The following FOXK1 variants were observed in gnomAD, a reference collection of about 807,000 sequenced individuals.
FOXK1 encodes forkhead box protein K1.
A neutral mutation model predicts 51.9 loss-of-function variants in FOXK1; 19 were observed. That is an observed-to-expected ratio of 0.37 (90% CI 0.26 to 0.54). The LOEUF is 0.54. Ranked by LOEUF, FOXK1 falls within the 20% of genes least tolerant of loss-of-function variation. FOXK1 has a pLI of 0.87. For synonymous variants in FOXK1, 537 were observed against 482.6 expected, an observed-to-expected ratio of 1.11 and a Z score of -1.48; for missense variants, 870 against 1,032.7, an observed-to-expected ratio of 0.84 and a Z score of 2.16.
At chr7:4,746,231 A>G (rs940009096) in intron 2 of FOXK1, among the ~76,000 whole-genome samples, 9 of 152,186 alleles carry the variant, frequency 5.9e-5, no homozygotes, top group African/African-American at 1.9e-4. Context: ...TTTAATCATG[A>G]TTTTTAAACA....
rs772430415 is a variant in FOXK1 at position 4,703,966 on chromosome 7, C to T, written c.560+21098C>T. On this transcript the variant is annotated intron_variant, in intron 1 of 8. Transcript: ENST00000328914. This position sits in a 1 kb window ranked among gnomAD's most constrained non-coding sequence, Gnocchi z 5.6. ...GTGGGAAAAAATGCGTGTATACGTA[C>T]CCCTACGTGTGGAAAACTGGCTACC... Among the ~76,000 whole-genome samples the T allele has an allele frequency of 2.6e-5, 4 of 152,100 alleles. No individual in the cohort carries two copies. The highest frequency in any genetic ancestry group is 9.7e-5 in the African/African-American group (4 of 41,418).
chr7:4,732,005 C>G (rs1190797879), intron 1 of FOXK1, among the ~76,000 whole-genome samples: 1 of 152,208 alleles, frequency 6.6e-6, no homozygotes, highest in Non-Finnish European at 1.5e-5. Flanking sequence ...CCAGGTGCCC[C>G]CAGGGCATCT....
At position 4,734,284 on chromosome 7, in the gene FOXK1, ATC is replaced by A. The variant is rs1007462519; in HGVS notation, c.561-6551_561-6550del. Among the ~76,000 whole-genome samples, 1 of 152,140 alleles carries A rather than the reference ATC, an allele frequency of 6.6e-6. No homozygotes were observed. The highest frequency in any genetic ancestry group is 2.4e-5 in the African/African-American group (1 of 41,438). On this transcript the variant is annotated intron_variant, in intron 1 of 8. Coordinates refer to ENST00000328914, the MANE Select transcript of FOXK1 (RefSeq NM_001037165.2). The surrounding 1 kb of genome is among the most constrained non-coding windows in gnomAD (Gnocchi z 5.2). Reference sequence around the variant, plus strand: ...GTTTTCTTTGTCCTTCCTGAGACAGATCTCATCCAGCCTCTTCCTTTTGATGT... The same window carrying A: ...GTTTTCTTTGTCCTTCCTGAGACAGATCATCCAGCCTCTTCCTTTTGATGT...
In FOXK1 at chr7:4,699,712, G is replaced by A. The variant is rs754209022; in HGVS notation, c.560+16844G>A. ...CACTTGGTTTAGGTGTTGTCTGGCC[G>A]GCTTTTCCACCAAAGAGTTGCTGTG... On this transcript the variant is annotated intron_variant, in intron 1 of 8. Coordinates refer to ENST00000328914, the MANE Select transcript of FOXK1 (RefSeq NM_001037165.2). Among the ~76,000 whole-genome samples the A allele has an allele frequency of 3.8e-4, 58 of 152,132 alleles. 1 individual carries two copies. Among genetic ancestry groups the A allele is most frequent in the African/African-American group, 1.3e-3 (54 of 41,492 alleles).
Position 4,758,829 on chromosome 7 carries a change from C to T in FOXK1, c.1245-222C>T. 1 of 578,284 alleles carries T rather than the reference C, an allele frequency of 1.7e-6. No individual in the cohort carries two copies. Among genetic ancestry groups the T allele is most frequent in the Non-Finnish European group, 3.0e-6 (1 of 329,136 alleles). 35.8% of individuals were successfully genotyped at this position (578,284 alleles called of 1,614,324 possible). On this transcript the variant is annotated intron_variant, in intron 5 of 8. Transcript: ENST00000328914. The surrounding 1 kb of genome is among the most constrained non-coding windows in gnomAD (Gnocchi z 4.4). ...GCAGCACCTCACATGATACCGTCCC[C>T]TCTCATGGAACGGAGCCTCCCCCAT...
In FOXK1 at chr7:4,682,915, C is replaced by T. The variant is rs1779770652; in HGVS notation, c.560+47C>T. 2.1e-6 allele frequency: 3 copies of T among 1,407,034 alleles called. No individual in the cohort carries two copies. The highest frequency in any genetic ancestry group is 1.5e-5 in the South Asian group (1 of 68,316). 87.2% of individuals were successfully genotyped at this position (1,407,034 alleles called of 1,614,324 possible). On this transcript the variant is annotated intron_variant, in intron 1 of 8. Coordinates refer to ENST00000328914, the MANE Select transcript of FOXK1 (RefSeq NM_001037165.2). This position sits in a 1 kb window ranked among gnomAD's most constrained non-coding sequence, Gnocchi z 7.6. ...GCCGCCCGCACCCGGGGCTCGCCCA[C>T]GACCTCGATCTCTGAGGCCCGGGCC...
intron 1 of FOXK1, among the ~76,000 whole-genome samples, chr7:4,713,596 A>G (rs1366521635): frequency 1.3e-5 from 2 of 149,216 alleles, no homozygotes; most frequent in Non-Finnish European, 3.0e-5. Context: ...GGTGCAAGTG[A>G]TTCTCCTGCC....
Position 4,703,092 on chromosome 7 carries a change from G to A in FOXK1, c.560+20224G>A, listed in dbSNP as rs534695700. Among the ~76,000 whole-genome samples, 766 of 152,284 alleles carry A rather than the reference G, an allele frequency of 5.0e-3. 9 individuals are homozygous for A. Among genetic ancestry groups the A allele is most frequent in the African/African-American group, 0.017 (713 of 41,552 alleles). The stretch of plus-strand genomic sequence containing the variant: ...GTTGCTTGCACTGCTGGGTGAGAGT[G>A]CCTCTGTGTCGGGGGCTGGGCTGGG... On this transcript the variant is annotated intron_variant, in intron 1 of 8. Transcript: ENST00000328914. The surrounding 1 kb of genome is among the most constrained non-coding windows in gnomAD (Gnocchi z 5.6).
intron 2 of FOXK1, 148 bp from the exon 3 acceptor site, chr7:4,754,311 T>G: frequency 2.3e-6 from 2 of 877,234 alleles, no homozygotes; most frequent in South Asian, 3.6e-5. Flanking sequence ...CTGCGTGACC[T>G]TGGCCGGGCA....
Position 4,761,628 on chromosome 7 carries a change from G to A in FOXK1, c.1921+340G>A, listed in dbSNP as rs1780933657. 6.6e-6 allele frequency among the ~76,000 whole-genome samples: 1 copy of A among 152,068 alleles called. No homozygotes were observed. The highest frequency in any genetic ancestry group is 1.5e-5 in the Non-Finnish European group (1 of 68,024). ...CTCATGGTCCCAGCTGCTTGGGAGAGTGAGGCTGTAGTCAGCTGTGATTGC... is the reference window on the plus strand; with the variant it reads ...CTCATGGTCCCAGCTGCTTGGGAGAATGAGGCTGTAGTCAGCTGTGATTGC... On this transcript the variant is annotated intron_variant, in intron 8 of 8. Transcript: ENST00000328914. This position sits in a 1 kb window ranked among gnomAD's most constrained non-coding sequence, Gnocchi z 6.2.
At position 4,768,294 on chromosome 7, in the gene FOXK1, G is replaced by A. The variant is rs886929418; in HGVS notation, c.*5830G>A. ...ACTACAGGCGCCCGCTACCACGCCC[G>A]GCTAATTTTTTGTATTTTTAGTAGA... is the stretch of plus-strand genomic sequence containing the variant. On this transcript the variant is annotated 3_prime_UTR_variant, in exon 9 of 9. Transcript: ENST00000328914. 6.1e-5 allele frequency: 9 copies of A among 146,750 alleles called. No homozygotes were observed. The highest frequency in any genetic ancestry group is 1.0e-4 in the Non-Finnish European group (7 of 67,640). The allele number at this position is 146,750 out of a possible 1,614,324, so 9.1% of individuals were successfully genotyped here.
At position 4,703,235 on chromosome 7, in the gene FOXK1, TGAG is replaced by T. The variant is rs1267269857; in HGVS notation, c.560+20371_560+20373del. Among the ~76,000 whole-genome samples, 1 of 151,700 alleles carries T rather than the reference TGAG, an allele frequency of 6.6e-6. No homozygotes were observed. The highest frequency in any genetic ancestry group is 1.5e-5 in the Non-Finnish European group (1 of 67,904). ...CTAAGTTACAGGCAGGAGCTGGCAA[TGAG>T]GAGTCAGGGAGACAGACCTCCAGCC... On this transcript the variant is annotated intron_variant, in intron 1 of 8. Transcript: ENST00000328914. This position sits in a 1 kb window ranked among gnomAD's most constrained non-coding sequence, Gnocchi z 5.6.
intron 1 of FOXK1, among the ~76,000 whole-genome samples, chr7:4,716,953 G>A (rs567629499): frequency 2.0e-4 from 31 of 151,910 alleles, no homozygotes; most frequent in East Asian, 5.8e-4. Flanking sequence ...GGTGGGAGGC[G>A]CATGGCTGGG....
At chr7:4,697,275 G>A (rs547034016) in intron 1 of FOXK1, among the ~76,000 whole-genome samples, 14 of 152,262 alleles carry the variant, frequency 9.2e-5, no homozygotes, top group African/African-American at 2.9e-4. Flanking sequence ...TCAGTCTCCG[G>A]CCACTCCAAG....
In FOXK1 at chr7:4,762,113, A is replaced by T. The variant is rs1484751350; in HGVS notation, c.1922-71A>T. On this transcript the variant is annotated intron_variant, in intron 8 of 8. Coordinates refer to ENST00000328914, the MANE Select transcript of FOXK1 (RefSeq NM_001037165.2). The surrounding 1 kb of genome is among the most constrained non-coding windows in gnomAD (Gnocchi z 5.7). ...TCCGGCTTGGTGGCTTAGCCCCTGTATAGGGGACTTGAAAAAAGCAGCTGG... is the reference window on the plus strand; with the variant it reads ...TCCGGCTTGGTGGCTTAGCCCCTGTTTAGGGGACTTGAAAAAAGCAGCTGG... 1.1e-5 allele frequency: 16 copies of T among 1,491,228 alleles called. No homozygotes were observed. Among genetic ancestry groups the T allele is most frequent in the Non-Finnish European group, 1.4e-5 (15 of 1,110,310 alleles). 92.4% of individuals were successfully genotyped at this position (1,491,228 alleles called of 1,614,324 possible). A position where few individuals can be genotyped will look rare whatever the true frequency, so the allele number is the denominator to read the frequency against.
chr7:4,713,792 G>A (rs1025365323), intron 1 of FOXK1, among the ~76,000 whole-genome samples: 4 of 151,544 alleles, frequency 2.6e-5, no homozygotes, highest in Non-Finnish European at 5.9e-5. Context: ...ACCCAGCCCC[G>A]TGTTTTCTTT....
intron 1 of FOXK1, among the ~76,000 whole-genome samples, chr7:4,700,295 AAAATGAATAAAC>A (rs1363729215): frequency 6.6e-6 from 1 of 152,244 alleles, no homozygotes; most frequent in African/African-American, 2.4e-5. Flanking sequence ...ATTTGTGGGC[AAAATGAATAAAC>A]AAATAGGAGA....
At position 4,754,599 on chromosome 7, in the gene FOXK1, G is replaced by A; in HGVS notation, c.887G>A (p.Gly296Glu). The A allele has an allele frequency of 2.5e-6, 4 of 1,605,060 alleles. No individual in the cohort carries two copies. Among genetic ancestry groups the A allele is most frequent in the African/African-American group, 1.3e-5 (1 of 75,076 alleles). Reference sequence around the variant, plus strand: ...TCGGAGCAGCAGGCAGACACGTCTGGAGGAGACAGCCCCAAGGTCTGAGCC... The same window carrying A: ...TCGGAGCAGCAGGCAGACACGTCTGAAGGAGACAGCCCCAAGGTCTGAGCC... ...AASEQQADTS[G>E]GDSPKDESKP... Residue 296 changes from glycine (G) to glutamate (E), a missense_variant, in exon 3 of 9, where the codon GGA (glycine) becomes GAA (glutamate). Transcript: ENST00000328914.
At chr7:4,720,918 AAAAG>A (rs1780300849) in intron 1 of FOXK1, among the ~76,000 whole-genome samples, 1 of 150,726 alleles carries the variant, frequency 6.6e-6, no homozygotes, top group Admixed American at 6.7e-5. Flanking sequence ...GGGGATCCAT[AAAAG>A]AAAAAAAAAA....
Sources: gnomAD v4.1 joint callset for allele counts (sites outside exome capture counted in the v4.1 genomes callset) on GRCh38, gnomAD v4.1.1 for gene constraint, Gnocchi (gnomAD v3.1) non-coding constraint, MANE v1.5 for transcripts, NCBI Gene and HGNC (gene_info 2026-07-23, HGNC 2026-07-21) for gene names.